DMD: variants seen among roughly 807,000 people sequenced by gnomAD.
DMD encodes dystrophin.
Under a neutral mutation model 330.1 loss-of-function variants are expected in DMD, and 63 were observed. The observed-to-expected ratio is 0.19, with a 90% CI of 0.16 to 0.24. DMD has a LOEUF of 0.24. DMD is among the 10% of genes least tolerant of loss of function. The pLI, the probability that DMD is intolerant of heterozygous loss-of-function variation, is 1.00. For missense variants in DMD, 3,344 were observed against 2,684.1 expected, an observed-to-expected ratio of 1.25 and a Z score of -5.43; for synonymous variants, 1,223 against 959.8, an observed-to-expected ratio of 1.27 and a Z score of -5.07.
At chrX:32,258,783 G>C in intron 43 of DMD, among the ~76,000 whole-genome samples, 1 of 110,825 alleles carries the variant, frequency 9.0e-6, no homozygotes, top group Non-Finnish European at 1.9e-5. Flanking sequence ...TGCCCGTTCT[G>C]CACGTGTGTC....
chrX:31,740,344 T>C (rs1439305633), intron 51 of DMD, among the ~76,000 whole-genome samples: 2 of 112,105 alleles, frequency 1.8e-5, no homozygotes, highest in Non-Finnish European at 3.8e-5. Context: ...GACCAGTTTT[T>C]ATCATGTGCA....
At chrX:33,055,601 G>C (rs2094507640) in intron 1 of DMD, among the ~76,000 whole-genome samples, 1 of 111,930 alleles carries the variant, frequency 8.9e-6, no homozygotes, top group South Asian at 3.7e-4. Flanking sequence ...CAATCAATTG[G>C]GGAAATGAGA....
rs749996618 is a variant in DMD at position 31,875,262 on chromosome X, G to A, written c.7024C>T (p.Leu2342=). Residue 2342 remains leucine (L), a synonymous_variant, in exon 48 of 79, where the codon CTG becomes TTG. Transcript: ENST00000357033. ...DLEEQLNHLL[L]WLSPIRNQLE... is the part of the protein sequence containing the mutation. ...TGATTCCTAATAGGAGATAACCACA[G>A]CAGCAGATGATTTAACTGCTCTTCA... 8 of 1,189,844 alleles carry A rather than the reference G, an allele frequency of 6.7e-6. No homozygotes were observed. In the African/African-American group the frequency reaches 1.4e-4, roughly 21 times the overall value.
chrX:31,509,320 G>T (rs909698865), intron 55 of DMD, among the ~76,000 whole-genome samples: 2 of 111,929 alleles, frequency 1.8e-5, no homozygotes, highest in Non-Finnish European at 3.8e-5. Flanking sequence ...AAAGAGAAAA[G>T]TGAGTTAATT....
intron 51 of DMD, among the ~76,000 whole-genome samples, chrX:31,749,208 A>G (rs1261618568): frequency 4.6e-5 from 5 of 108,275 alleles, no homozygotes; most frequent in Admixed American, 3.0e-4. Context: ...TTAGTTACAT[A>G]TGTATACATG....
chrX:32,723,210 T>C (rs2066510829), intron 7 of DMD, among the ~76,000 whole-genome samples: 1 of 111,790 alleles, frequency 8.9e-6, no homozygotes, highest in Non-Finnish European at 1.9e-5. Context: ...TTCATCTTTC[T>C]GTTAATGTAG....
chrX:31,422,953 A>C (rs1040086273), intron 60 of DMD, among the ~76,000 whole-genome samples: 8 of 111,355 alleles, frequency 7.2e-5, no homozygotes, highest in African/African-American at 2.3e-4. Context: ...TGCTGCTTTG[A>C]ATGACACACA....
chrX:32,460,169 A>G (rs1352229414), intron 25 of DMD, among the ~76,000 whole-genome samples: 3 of 110,871 alleles, frequency 2.7e-5, no homozygotes, highest in African/African-American at 6.5e-5. Context: ...CAAAACCACA[A>G]TGAGGTATCA....
chrX:31,287,723 T>G (rs2053336543), intron 62 of DMD, among the ~76,000 whole-genome samples: 1 of 112,637 alleles, frequency 8.9e-6, no homozygotes, highest in African/African-American at 3.2e-5. Flanking sequence ...TCAGAATCCT[T>G]TGCCATGCTA....
chrX:31,626,695 G>A (rs756086618), intron 55 of DMD, among the ~76,000 whole-genome samples: 1 of 111,398 alleles, frequency 9.0e-6, no homozygotes, highest in South Asian at 3.8e-4. Context: ...GAAGGAGAAC[G>A]ATAGGAGGGA....
chrX:32,081,973 G>T (rs1490164056), intron 44 of DMD, among the ~76,000 whole-genome samples: 1 of 111,711 alleles, frequency 9.0e-6, no homozygotes, highest in African/African-American at 3.3e-5. Context: ...AACCAAGGAA[G>T]TCAAGGGCTG....
chrX:32,000,177 T>C (rs770825049), intron 44 of DMD, among the ~76,000 whole-genome samples: 2 of 112,219 alleles, frequency 1.8e-5, no homozygotes, highest in South Asian at 7.3e-4. Context: ...TAGAAACAGA[T>C]GTAACAATGG....
Position 31,538,011 on chromosome X carries a change from C to G in DMD, c.8218-30558G>C, listed in dbSNP as rs1025738044. Among the ~76,000 whole-genome samples the G allele has an allele frequency of 1.2e-4, 13 of 112,228 alleles. No homozygotes were observed. In the Admixed American group the frequency reaches 1.2e-3, roughly 11 times the overall value. ...CCACCAGAGAATATACCAGCAAACACAGTGATTAATGCACGTAGGTTTTGG... is the reference window on the plus strand; with the variant it reads ...CCACCAGAGAATATACCAGCAAACAGAGTGATTAATGCACGTAGGTTTTGG... On this transcript the variant is annotated intron_variant, in intron 55 of 78. Coordinates refer to ENST00000357033, the MANE Select transcript of DMD (RefSeq NM_004006.3).
chrX:32,668,942 G>T (rs371327849), intron 9 of DMD, among the ~76,000 whole-genome samples: 1 of 110,837 alleles, frequency 9.0e-6, no homozygotes, highest in Non-Finnish European at 1.9e-5. Flanking sequence ...GGACATTTTT[G>T]TCCTGAAAAA....
chrX:31,883,560 A>C (rs1383386112), intron 47 of DMD, among the ~76,000 whole-genome samples: 1 of 111,554 alleles, frequency 9.0e-6, no homozygotes, highest in Non-Finnish European at 1.9e-5. Flanking sequence ...ACTTCTATGA[A>C]TTTTCCTAGG....
chrX:32,203,197 A>C (rs1240319294), intron 44 of DMD, among the ~76,000 whole-genome samples: 1 of 112,400 alleles, frequency 8.9e-6, no homozygotes, highest in Admixed American at 9.4e-5. Flanking sequence ...CTTTTAAAAT[A>C]CAGTTATTAT....
intron 44 of DMD, among the ~76,000 whole-genome samples, chrX:32,066,548 G>A (rs1158129396): frequency 9.0e-6 from 1 of 111,173 alleles, no homozygotes; most frequent in African/African-American, 3.3e-5. Context: ...GTATTATACT[G>A]ACACTGCATG....
intron 7 of DMD, among the ~76,000 whole-genome samples, chrX:32,759,388 A>T (rs1043138454): frequency 9.0e-6 from 1 of 111,618 alleles, no homozygotes; most frequent in African/African-American, 3.3e-5. Context: ...TCTCTTTCTC[A>T]TTCCCCCTTA....
intron 47 of DMD, among the ~76,000 whole-genome samples, chrX:31,885,638 G>GA (rs759868987): frequency 0.3 from 24,368 of 79,916 alleles, 2,822 homozygotes; most frequent in Admixed American, 0.37. Context: ...AAAAAAAAAA[G>GA]AAAAAAAAAG....
Sources: gnomAD v4.1 joint callset for allele counts (sites outside exome capture counted in the v4.1 genomes callset) on GRCh38, gnomAD v4.1.1 for gene constraint, MANE v1.5 for transcripts, NCBI Gene and HGNC (gene_info 2026-07-23, HGNC 2026-07-21) for gene names.